ZP4: variants seen among roughly 807,000 people sequenced by gnomAD.
The protein encoded by ZP4 is zona pellucida glycoprotein 4, also known as zona pellucida sperm-binding protein 4.
Under a neutral mutation model 62.3 loss-of-function variants are expected in ZP4, and 62 were observed. The ratio of observed to expected loss-of-function variants is 0.99; its 90% CI spans 0.81 to 1.23. ZP4 has a LOEUF of 1.23. Ranked by LOEUF, ZP4 falls within the 50% of genes most tolerant of loss-of-function variation. ZP4 has a pLI of 0.00. For missense variants in ZP4, 774 were observed against 656.0 expected, an observed-to-expected ratio of 1.18 and a Z score of -1.97; for synonymous variants, 289 against 247.3, an observed-to-expected ratio of 1.17 and a Z score of -1.58.
At position 237,885,377 on chromosome 1, in the gene ZP4, A is replaced by G. The variant is rs777050498; in HGVS notation, c.1160+14T>C. 6.2e-7 allele frequency: 1 copy of G among 1,610,818 alleles called. No individual in the cohort carries two copies. Among genetic ancestry groups the G allele is most frequent in the Non-Finnish European group, 8.5e-7 (1 of 1,178,432 alleles). On this transcript the variant is annotated intron_variant, in intron 8 of 11. Transcript: ENST00000366570. ...TTGAGAATTTCAGCACAGGTGTATG[A>G]AAGAACCACTTACCCCTTTACCAGG...
intron 9 of ZP4, 21 bp from the exon 10 acceptor site, chr1:237,884,868 G>A (rs1665058485): frequency 6.2e-7 from 1 of 1,610,198 alleles, no homozygotes; most frequent in African/African-American, 1.3e-5. Context: ...ACAGAATTCA[G>A]GTCATTTGTA....
rs780075742 is a variant in ZP4 at position 237,885,789 on chromosome 1, C to G, written c.937G>C (p.Gly313Arg). 1 of 1,614,078 alleles carries G rather than the reference C, an allele frequency of 6.2e-7. No individual in the cohort carries two copies. Among genetic ancestry groups the G allele is most frequent in the Non-Finnish European group, 8.5e-7 (1 of 1,180,012 alleles). The change falls in exon 7 of 12, where the codon GGA becomes CGA. Residue 313 changes from glycine to arginine, a missense_variant. Coordinates refer to ENST00000366570, the MANE Select transcript of ZP4 (RefSeq NM_021186.5). ...ATCTGAAGTTCCAGAGTGAGGGGTC[C>G]AGGCTGGGTCTCAGGAAAGGGTGGT... ...LPPPFPETQP[G>R]PLTLELQIAK...
chr1:237,886,187 T>G (rs1665096861), intron 6 of ZP4, among the ~76,000 whole-genome samples: 1 of 152,000 alleles, frequency 6.6e-6, no homozygotes, highest in African/African-American at 2.4e-5. Flanking sequence ...AAAGAAAAAC[T>G]TGAGGTACAG....
intron 3 of ZP4, among the ~76,000 whole-genome samples, chr1:237,889,335 T>G (rs929958952): frequency 5.9e-5 from 8 of 136,382 alleles, no homozygotes; most frequent in African/African-American, 2.5e-4. Context: ...TTTTTTTTTT[T>G]GAGACAGGGT....
intron 10 of ZP4, among the ~76,000 whole-genome samples, chr1:237,883,791 G>A (rs1571930327): frequency 1.3e-5 from 2 of 148,994 alleles, no homozygotes; most frequent in South Asian, 4.2e-4. Context: ...GGAAGAGAGA[G>A]GAAGAGAGAG....
chr1:237,890,868 G>A lies in ZP4; in HGVS notation c.-233C>T, dbSNP rs1487486332. 2 of 415,110 alleles carry A rather than the reference G, an allele frequency of 4.8e-6. No homozygotes were observed. The highest frequency in any genetic ancestry group is 8.5e-6 in the Non-Finnish European group (2 of 235,378). 25.7% of individuals were successfully genotyped at this position (415,110 alleles called of 1,614,324 possible). ...AATACCACAATCCAGGCAGACTTCA[G>A]AGCCCAAGAAAAATGTAGTAACTTT... On this transcript the variant is annotated 5_prime_UTR_variant, in exon 1 of 12. Transcript: ENST00000366570.
chr1:237,882,842 T>C lies in ZP4; in HGVS notation c.1395A>G (p.Arg465=). The change falls in exon 11 of 12, where the codon AGA becomes AGG. Residue 465 remains arginine, a synonymous_variant. Coordinates refer to ENST00000366570, the MANE Select transcript of ZP4 (RefSeq NM_021186.5). ...CVVTCPDLSR[R]RNFDNSSQNT... Reference sequence around the variant, plus strand: ...TCTGAGAACTGTTGTCAAAATTTCTTCTTCCTGTTAGAGAAATGAGACCTA... The same window carrying C: ...TCTGAGAACTGTTGTCAAAATTTCTCCTTCCTGTTAGAGAAATGAGACCTA... 1 of 1,613,114 alleles carries C rather than the reference T, an allele frequency of 6.2e-7. No homozygotes were observed. The highest frequency in any genetic ancestry group is 2.2e-5 in the East Asian group (1 of 44,866).
At chr1:237,885,096 G>T in intron 9 of ZP4, 69 bp downstream of exon 9, 1 of 1,571,670 alleles carries the variant, frequency 6.4e-7, no homozygotes, top group Non-Finnish European at 8.6e-7. Context: ...AGAGTAGTAG[G>T]ACATGGAAAC....
In ZP4 at chr1:237,888,527, A is replaced by G. The variant is rs757493682; in HGVS notation, c.401-17T>C. 4 of 1,581,816 alleles carry G rather than the reference A, an allele frequency of 2.5e-6. No individual in the cohort carries two copies. In the Admixed American group the frequency reaches 5.2e-5, roughly 21 times the overall value. On this transcript the variant is annotated splice_polypyrimidine_tract_variant and intron_variant, in intron 3 of 11. Coordinates refer to ENST00000366570, the MANE Select transcript of ZP4 (RefSeq NM_021186.5). Reference sequence around the variant, plus strand: ...CATCTCGGGCTAGGTTTTGAAAAAGAGTAAGTCAGGTTAGATAATGGAAAA... The same window carrying G: ...CATCTCGGGCTAGGTTTTGAAAAAGGGTAAGTCAGGTTAGATAATGGAAAA...
In ZP4 at chr1:237,888,412, G is replaced by A; in HGVS notation, c.499C>T (p.Leu167=). ...SPISRGDCEG[L]GCCYSSEEVN... ...TCTTCAGAGCTATAACAACAGCCTA[G>A]CCCTTCACAGTCTCCTCGAGAGATG... The change falls in exon 4 of 12, where the codon CTA becomes TTA. Residue 167 remains leucine (L), a synonymous_variant. Transcript: ENST00000366570. The A allele has an allele frequency of 6.2e-7, 1 of 1,611,050 alleles. No individual in the cohort carries two copies. The highest frequency in any genetic ancestry group is 8.5e-7 in the Non-Finnish European group (1 of 1,177,966).
At chr1:237,888,780 T>C (rs570805) in intron 3 of ZP4, among the ~76,000 whole-genome samples, 17,353 of 152,028 alleles carry the variant, frequency 0.11, 3,299 homozygotes, top group African/African-American at 0.39. Context: ...AGTTGGGGGG[T>C]TTCTTACTCC....
At chr1:237,888,949 T>C (rs955364071) in intron 3 of ZP4, among the ~76,000 whole-genome samples, 7 of 152,116 alleles carry the variant, frequency 4.6e-5, no homozygotes, top group Admixed American at 1.3e-4. Flanking sequence ...CCTGGCTATG[T>C]ATTGGGAAGG....
Position 237,887,398 on chromosome 1 carries a change from A to C in ZP4, c.717T>G (p.Phe239Leu). ...CCTGTCTTGTGGTGCCACAGGAAGT[A>C]AATGGAAACTGGAACAGAACAAAAG... The part of the protein sequence containing the change: ...TQAFVLFQFP[F>L]TSCGTTRQIT... The change falls in exon 5 of 12, where the codon TTT (phenylalanine) becomes TTG (leucine). Residue 239 changes from phenylalanine (F) to leucine (L), a missense_variant. Coordinates refer to ENST00000366570, the MANE Select transcript of ZP4 (RefSeq NM_021186.5). 1 of 1,614,038 alleles carries C rather than the reference A, an allele frequency of 6.2e-7. No homozygotes were observed. The highest frequency in any genetic ancestry group is 2.2e-5 in the East Asian group (1 of 44,882).
chr1:237,883,976 AC>A, intron 10 of ZP4, among the ~76,000 whole-genome samples: 3 of 36,812 alleles, frequency 8.1e-5, no homozygotes, highest in African/African-American at 4.4e-4. Context: ...AAACACACAC[AC>A]ACACAAACAC....
Position 237,890,076 on chromosome 1 carries a change from G to A in ZP4, c.276C>T (p.Ser92=), listed in dbSNP as rs374746295. Residue 92 remains serine, a synonymous_variant, in exon 2 of 12, where the codon AGC becomes AGT. Transcript: ENST00000366570. ...TCACCCACTCAGTGACATAGCAGCTGCTATAGGTTGCCTCCAACACCACGG... is the reference window on the plus strand; with the variant it reads ...TCACCCACTCAGTGACATAGCAGCTACTATAGGTTGCCTCCAACACCACGG... ...GSSVVLEATY[S]SCYVTEWDSH... 6.6e-5 allele frequency: 106 copies of A among 1,614,044 alleles called. No homozygotes were observed. The highest frequency in any genetic ancestry group is 8.8e-5 in the Non-Finnish European group (104 of 1,180,044).
intron 6 of ZP4, 91 bp from the exon 7 acceptor site, chr1:237,885,977 G>T: frequency 5.2e-6 from 8 of 1,546,048 alleles, no homozygotes; most frequent in East Asian, 4.5e-5. Context: ...AGCATTAAGT[G>T]CTAGACAAGT....
chr1:237,885,798 T>G lies in ZP4; in HGVS notation c.928A>C (p.Thr310Pro). 1 of 1,613,986 alleles carries G rather than the reference T, an allele frequency of 6.2e-7. No individual in the cohort carries two copies. Among genetic ancestry groups the G allele is most frequent in the Non-Finnish European group, 8.5e-7 (1 of 1,180,002 alleles). The change falls in exon 7 of 12, where the codon ACC (threonine) becomes CCC (proline). Residue 310 changes from threonine (T) to proline (P), a missense_variant. Thr to Pro is a conservative substitution (Grantham distance 38). Coordinates refer to ENST00000366570, the MANE Select transcript of ZP4 (RefSeq NM_021186.5). ...TCCAGAGTGAGGGGTCCAGGCTGGG[T>G]CTCAGGAAAGGGTGGTGGGAGAGTG... ...VFTLPPPFPETQPGPLTLELQ... is the reference protein window; with the variant it reads ...VFTLPPPFPEPQPGPLTLELQ...
Position 237,890,798 on chromosome 1 carries a change from T to C in ZP4, c.-163A>G, listed in dbSNP as rs1665225688. ...ATGCCTTCAGAAAGGGGAATTCCTC[T>C]AGCCTCATTTGCTTTGGGGCACAGT... On this transcript the variant is annotated 5_prime_UTR_variant, in exon 1 of 12. Transcript: ENST00000366570. The C allele has an allele frequency of 1.4e-6, 1 of 699,568 alleles. No homozygotes were observed. Among genetic ancestry groups the C allele is most frequent in the Non-Finnish European group, 2.3e-6 (1 of 437,220 alleles). 43.3% of individuals were successfully genotyped at this position (699,568 alleles called of 1,614,324 possible). A position where few individuals can be genotyped will look rare whatever the true frequency, so the allele number is the denominator to read the frequency against.
rs763251496 is a variant in ZP4, at chr1:237,882,500, G to A, written c.1545C>T (p.Thr515=). The part of the protein sequence containing the change: ...KVLWVAGLSG[T]LILGALLVSY... ...ATACTAACAAGGCTCCAAGGATTAA[G>A]GTCCCAGAAAGGCCTGCCACCCACA... is the stretch of plus-strand genomic sequence containing the variant. Residue 515 remains threonine, a synonymous_variant, in exon 12 of 12, where the codon ACC becomes ACT. Transcript: ENST00000366570. 5.3e-5 allele frequency: 85 copies of A among 1,608,348 alleles called. No individual in the cohort carries two copies. In the Admixed American group the frequency reaches 1.4e-3, roughly 27 times the overall value.
Sources: allele counts gnomAD v4.1 joint callset (sites outside exome capture counted in the v4.1 genomes callset), GRCh38; gene constraint gnomAD v4.1.1; transcripts MANE v1.5; gene names NCBI Gene and HGNC (gene_info 2026-07-23, HGNC 2026-07-21).